The following IQCM variants were observed in gnomAD, a reference collection of about 807,000 sequenced individuals.
The protein encoded by IQCM is IQ domain-containing protein M.
In IQCM, 45 loss-of-function variants were observed where a neutral mutation model predicts 57.6. The observed-to-expected ratio is 0.78, with a 90% CI of 0.62 to 1.00. IQCM has a LOEUF of 1.00. IQCM is among the 50% of genes least tolerant of loss of function. The pLI is 0.00. For synonymous variants in IQCM, 148 were observed against 158.9 expected (o/e 0.93, Z 0.51); for missense variants, 468 against 511.6 (o/e 0.91, Z 0.82).
chr4:149,711,814 T>A (rs1050491219), intron 5 of IQCM, among the ~76,000 whole-genome samples: 1 of 152,198 alleles, frequency 6.6e-6, no homozygotes, highest in African/African-American at 2.4e-5. Context: ...TACCATCAAC[T>A]CAGTCACATT....
intron 12 of IQCM, among the ~76,000 whole-genome samples, chr4:149,529,934 C>T (rs558970657): frequency 6.6e-6 from 1 of 152,240 alleles, no homozygotes; most frequent in South Asian, 2.1e-4. Context: ...TAGTTCTTGG[C>T]GACTGCTCCA....
At chr4:149,699,541 T>TATATCTAGGC (rs1763602058) in intron 5 of IQCM, among the ~76,000 whole-genome samples, 1 of 151,832 alleles carries the variant, frequency 6.6e-6, no homozygotes, top group Non-Finnish European at 1.5e-5. Context: ...GATAGAGGCA[T>TATATCTAGGC]ATATCCCTAG....
chr4:149,481,696 G>GTTTTGTTTTTGTT (rs1740800367), intron 12 of IQCM, among the ~76,000 whole-genome samples: 3 of 33,602 alleles, frequency 8.9e-5, no homozygotes, highest in African/African-American at 3.7e-4. Context: ...GATTCTTCCA[G>GTTTTGTTTTTGTT]TTTTGTTTTT....
chr4:149,577,705 ATTTGGGCAC>A (rs988627015), intron 9 of IQCM, among the ~76,000 whole-genome samples: 9 of 151,868 alleles, frequency 5.9e-5, no homozygotes, highest in African/African-American at 2.2e-4. Context: ...TGCTTTGGCT[ATTTGGGCAC>A]TTTTCTTGGT....
At chr4:149,525,501 A>AT (rs1746070228) in intron 12 of IQCM, among the ~76,000 whole-genome samples, 1 of 151,850 alleles carries the variant, frequency 6.6e-6, no homozygotes, top group Non-Finnish European at 1.5e-5. Flanking sequence ...ATATATGAGA[A>AT]TTTAATGTAC....
chr4:149,435,001 G>A (rs889348487), intron 12 of IQCM, among the ~76,000 whole-genome samples: 1 of 152,072 alleles, frequency 6.6e-6, no homozygotes, highest in African/African-American at 2.4e-5. Context: ...TGCCAGCTCC[G>A]TGTACTCCAC....
intron 7 of IQCM, among the ~76,000 whole-genome samples, chr4:149,677,107 A>T (rs1003314563): frequency 6.6e-6 from 1 of 152,082 alleles, no homozygotes; most frequent in Non-Finnish European, 1.5e-5. Flanking sequence ...GACACTGGAA[A>T]AGTGAGATCA....
intron 13 of IQCM, among the ~76,000 whole-genome samples, chr4:149,386,682 A>T (rs1731450489): frequency 6.6e-6 from 1 of 152,012 alleles, no homozygotes; most frequent in African/African-American, 2.4e-5. Flanking sequence ...GTGTTTGGTT[A>T]TGTCTTCTAA....
At chr4:149,783,336 C>A (rs1042014829) in intron 2 of IQCM, among the ~76,000 whole-genome samples, 1 of 152,110 alleles carries the variant, frequency 6.6e-6, no homozygotes, top group East Asian at 1.9e-4. Context: ...TCATGTAATT[C>A]TTTAGTATTA....
chr4:149,537,418 T>G (rs1560964185), intron 12 of IQCM, among the ~76,000 whole-genome samples: 1 of 151,696 alleles, frequency 6.6e-6, no homozygotes, highest in Non-Finnish European at 1.5e-5. Context: ...ATTATCCAAT[T>G]TGAACAACCA....
At chr4:149,474,833 A>C (rs936337917) in intron 12 of IQCM, among the ~76,000 whole-genome samples, 5 of 152,146 alleles carry the variant, frequency 3.3e-5, no homozygotes, top group African/African-American at 1.2e-4. Flanking sequence ...TGAAAATCTG[A>C]GTAGAGAGCA....
At chr4:149,777,232 C>A (rs1210240074) in intron 2 of IQCM, among the ~76,000 whole-genome samples, 2 of 152,226 alleles carry the variant, frequency 1.3e-5, no homozygotes, top group African/African-American at 2.4e-5. Flanking sequence ...AAATTTATGG[C>A]CAAATAAAAA....
intron 12 of IQCM, among the ~76,000 whole-genome samples, chr4:149,500,897 T>G (rs978098168): frequency 6.6e-6 from 1 of 152,150 alleles, no homozygotes; most frequent in Non-Finnish European, 1.5e-5. Context: ...TAAAAAGAGA[T>G]AGAACAATGA....
chr4:149,631,553 T>C (rs1757265522), intron 7 of IQCM, among the ~76,000 whole-genome samples: 1 of 152,170 alleles, frequency 6.6e-6, no homozygotes, highest in Non-Finnish European at 1.5e-5. Flanking sequence ...ATTATAACTG[T>C]ATTGTAAGAA....
At chr4:149,544,221 A>G (rs1044896057) in intron 12 of IQCM, among the ~76,000 whole-genome samples, 4 of 152,170 alleles carry the variant, frequency 2.6e-5, no homozygotes, top group African/African-American at 9.7e-5. Context: ...ATATAAATAG[A>G]AAGAAAAGCT....
chr4:149,407,977 C>T (rs577033639), intron 13 of IQCM, among the ~76,000 whole-genome samples: 14 of 152,186 alleles, frequency 9.2e-5, no homozygotes, highest in African/African-American at 2.6e-4. Flanking sequence ...ATAAGCATTC[C>T]GTTTTCTCTA....
At chr4:149,493,248 TC>T (rs1230761962) in intron 12 of IQCM, among the ~76,000 whole-genome samples, 1 of 152,104 alleles carries the variant, frequency 6.6e-6, no homozygotes, top group Non-Finnish European at 1.5e-5. Flanking sequence ...TTCTTTTTTT[TC>T]CCTCATTGAG....
intron 12 of IQCM, among the ~76,000 whole-genome samples, chr4:149,476,480 A>T (rs1056223049): frequency 4.6e-5 from 7 of 152,194 alleles, no homozygotes; most frequent in African/African-American, 1.7e-4. Flanking sequence ...CTTAAGTGAC[A>T]AGTTGTAAGA....
chr4:149,793,025 G>A (rs1334579918), intron 2 of IQCM, among the ~76,000 whole-genome samples: 1 of 152,118 alleles, frequency 6.6e-6, no homozygotes, highest in East Asian at 1.9e-4. Flanking sequence ...TGTGACTTTG[G>A]AAAATTAAAT....
Sources: gnomAD v4.1 joint callset for allele counts (sites outside exome capture counted in the v4.1 genomes callset) on GRCh38, gnomAD v4.1.1 for gene constraint, MANE v1.5 for transcripts, NCBI Gene and HGNC (gene_info 2026-07-23, HGNC 2026-07-21) for gene names.